Variants in LPP observed in about 807,000 individuals in gnomAD.
LPP encodes the protein LIM domain containing preferred translocation partner in lipoma.
LPP carries 38 observed loss-of-function variants against 60.4 expected under a neutral mutation model. That is an observed-to-expected ratio of 0.63 (90% CI 0.49 to 0.83). The LOEUF (loss-of-function observed/expected upper bound fraction) is 0.83, where lower values mean the gene tolerates loss of function less well. LPP is among the 40% of genes least tolerant of loss of function. The pLI is 0.00. For synonymous variants in LPP, 328 were observed against 290.8 expected (o/e 1.13, Z -1.30); for missense variants, 902 against 783.6 (o/e 1.15, Z -1.80).
In LPP at chr3:188,874,560, C is replaced by T; in HGVS notation, c.*81C>T. ...AAATACTAGAGTAAAGGCCATCAAACTACGCGATAGTCTCTGTTCTTCATC... is the reference window on the plus strand; with the variant it reads ...AAATACTAGAGTAAAGGCCATCAAATTACGCGATAGTCTCTGTTCTTCATC... On this transcript the variant is annotated 3_prime_UTR_variant, in exon 12 of 12. Transcript: ENST00000617246. 6.8e-7 allele frequency: 1 copy of T among 1,473,902 alleles called. No individual in the cohort carries two copies. Among genetic ancestry groups the T allele is most frequent in the Non-Finnish European group, 9.3e-7 (1 of 1,076,182 alleles). The allele number at this position is 1,473,902 out of a possible 1,614,324, so 91.3% of individuals were successfully genotyped here. A position where few individuals can be genotyped will look rare whatever the true frequency, so the allele number is the denominator to read the frequency against.
chr3:188,474,478 AT>A (rs1223435644), intron 4 of LPP, among the ~76,000 whole-genome samples: 2 of 152,034 alleles, frequency 1.3e-5, no homozygotes, highest in African/African-American at 4.8e-5. Flanking sequence ...TAAATGCCCT[AT>A]TTAAAGTGTT....
chr3:188,417,189 C>T (rs1786527926), intron 4 of LPP, among the ~76,000 whole-genome samples: 1 of 151,948 alleles, frequency 6.6e-6, no homozygotes. Flanking sequence ...TTACATTGTT[C>T]TGTATGTCGC....
chr3:188,157,628 A>G (rs1358052810), intron 1 of LPP, among the ~76,000 whole-genome samples: 1 of 152,100 alleles, frequency 6.6e-6, no homozygotes, highest in Non-Finnish European at 1.5e-5. Flanking sequence ...TGAGCGTACA[A>G]AGATGAGGTG....
chr3:188,843,647 C>T (rs1472423905), intron 9 of LPP, among the ~76,000 whole-genome samples: 1 of 150,884 alleles, frequency 6.6e-6, no homozygotes, highest in Non-Finnish European at 1.5e-5. Context: ...ATTAGCCGGG[C>T]GCAGTGGGGG....
chr3:188,509,959 C>T (rs1015625563), intron 5 of LPP, among the ~76,000 whole-genome samples: 6 of 146,544 alleles, frequency 4.1e-5, no homozygotes, highest in Non-Finnish European at 8.9e-5. Flanking sequence ...CCTTGTGATC[C>T]GCCTGCCTTG....
chr3:188,759,630 A>C (rs1731485262), intron 8 of LPP: 1 of 156,242 alleles, frequency 6.4e-6, no homozygotes, highest in Non-Finnish European at 1.4e-5. Context: ...CAGAGGTTTT[A>C]CAATCAGGGC....
At chr3:188,308,876 G>C (rs923503088) in intron 2 of LPP, among the ~76,000 whole-genome samples, 2 of 102,628 alleles carry the variant, frequency 1.9e-5, no homozygotes, top group Non-Finnish European at 3.9e-5. Flanking sequence ...TCTTGTTCTC[G>C]TTCTCGTTCT....
chr3:188,347,597 AC>A (rs1208026473), intron 3 of LPP, among the ~76,000 whole-genome samples: 13 of 151,802 alleles, frequency 8.6e-5, no homozygotes, highest in Non-Finnish European at 1.5e-4. Flanking sequence ...CTCCCGGCCT[AC>A]CCCCCCATTA....
At chr3:188,652,052 A>G (rs937047030) in intron 7 of LPP, among the ~76,000 whole-genome samples, 33 of 152,202 alleles carry the variant, frequency 2.2e-4, no homozygotes, top group African/African-American at 2.4e-5. Context: ...CTCTAAAGCC[A>G]CAGGACTGTC....
intron 1 of LPP, among the ~76,000 whole-genome samples, chr3:188,202,530 C>T (rs951538907): frequency 7.2e-5 from 11 of 152,194 alleles, no homozygotes; most frequent in African/African-American, 2.4e-4. Flanking sequence ...GCATCTTGAG[C>T]TTTTAAAAAA....
chr3:188,428,921 C>T (rs1044566267), intron 4 of LPP, among the ~76,000 whole-genome samples: 7 of 152,032 alleles, frequency 4.6e-5, no homozygotes, highest in African/African-American at 1.7e-4. Flanking sequence ...ACAAGAACAA[C>T]CTGATCACGT....
At chr3:188,376,021 G>T (rs138774697) in intron 3 of LPP, among the ~76,000 whole-genome samples, 1,697 of 152,312 alleles carry the variant, frequency 0.011, 28 homozygotes, top group African/African-American at 0.037. Context: ...TGTTTTGAGT[G>T]AGTTTCTTAA....
At position 188,386,264 on chromosome 3, in the gene LPP, G is replaced by GCA. The variant is rs1277848531; in HGVS notation, c.-9-19805_-9-19804dup. On this transcript the variant is annotated intron_variant, in intron 3 of 11. Transcript: ENST00000617246. ...ATAGCACTTAAGTCATAGCATGCGC[G>GCA]CACACACACACACACACACACACAC... 9.0e-4 allele frequency among the ~76,000 whole-genome samples: 89 copies of GCA among 99,338 alleles called. 1 individual carries two copies. The highest frequency in any genetic ancestry group is 3.2e-3 in the African/African-American group (84 of 26,626). The allele number at this position is 99,338 out of a possible 152,430, so 65.2% of individuals were successfully genotyped here.
chr3:188,237,499 A>G (rs1722339164), intron 2 of LPP, among the ~76,000 whole-genome samples: 3 of 152,184 alleles, frequency 2.0e-5, no homozygotes, highest in Admixed American at 6.5e-5. Flanking sequence ...TATGAAATGT[A>G]TTTTTTTAAA....
intron 5 of LPP, among the ~76,000 whole-genome samples, chr3:188,489,576 G>T (rs1300074590): frequency 6.6e-6 from 1 of 152,176 alleles, no homozygotes; most frequent in Admixed American, 6.5e-5. Context: ...ACAATTTATT[G>T]TAGGGGCTTG....
At chr3:188,606,558 T>C (rs1842414323) in intron 6 of LPP, among the ~76,000 whole-genome samples, 1 of 152,146 alleles carries the variant, frequency 6.6e-6, no homozygotes, top group Non-Finnish European at 1.5e-5. Flanking sequence ...TGGATATTCT[T>C]GTCTTGTTGG....
rs1171043119 is a variant in LPP at position 188,609,114 on chromosome 3, C to G, written c.430-47C>G. Reference sequence around the variant, plus strand: ...ATTCATTTTTATTGAGTTTCGTTGGCAGTAATTTTTGCTTTCTTTCTTTCT... The same window carrying G: ...ATTCATTTTTATTGAGTTTCGTTGGGAGTAATTTTTGCTTTCTTTCTTTCT... On this transcript the variant is annotated intron_variant, in intron 6 of 11. Transcript: ENST00000617246. The surrounding 1 kb of genome is among the most constrained non-coding windows in gnomAD (Gnocchi z 6.9). 2.2e-6 allele frequency: 3 copies of G among 1,340,640 alleles called. No individual in the cohort carries two copies. Among genetic ancestry groups the G allele is most frequent in the Non-Finnish European group, 3.1e-6 (3 of 968,074 alleles). 83.0% of individuals were successfully genotyped at this position (1,340,640 alleles called of 1,614,324 possible). A position where few individuals can be genotyped will look rare whatever the true frequency, so the allele number is the denominator to read the frequency against.
At chr3:188,203,804 T>G (rs1286034163) in intron 1 of LPP, among the ~76,000 whole-genome samples, 1 of 150,790 alleles carries the variant, frequency 6.6e-6, no homozygotes, top group Non-Finnish European at 1.5e-5. Flanking sequence ...ACACCCACTT[T>G]GGGGGAAGAG....
intron 4 of LPP, among the ~76,000 whole-genome samples, chr3:188,460,743 A>T (rs573854293): frequency 1.3e-5 from 2 of 152,296 alleles, no homozygotes; most frequent in African/African-American, 4.8e-5. Flanking sequence ...AGATATCTGA[A>T]ATTGTGTAAT....
Sources: allele counts gnomAD v4.1 joint callset (sites outside exome capture counted in the v4.1 genomes callset), GRCh38; gene constraint gnomAD v4.1.1; non-coding constraint Gnocchi (gnomAD v3.1); transcripts MANE v1.5; gene names NCBI Gene and HGNC (gene_info 2026-07-23, HGNC 2026-07-21).